REV1: variants seen among roughly 807,000 people sequenced by gnomAD.
The protein encoded by REV1 is REV1 DNA directed polymerase.
REV1 carries 42 observed loss-of-function variants against 137.4 expected under a neutral mutation model. The ratio of observed to expected loss-of-function variants is 0.31; its 90% CI spans 0.24 to 0.40. The LOEUF is 0.40. Ranked by LOEUF, REV1 falls within the 10% of genes least tolerant of loss-of-function variation. The pLI is 1.00. For missense variants in REV1, 1,282 were observed against 1,490.1 expected (o/e 0.86, Z 2.30); for synonymous variants, 524 against 519.2 (o/e 1.01, Z -0.12).
intron 9 of REV1, among the ~76,000 whole-genome samples, chr2:99,429,056 A>G (rs1679778506): frequency 1.3e-5 from 2 of 152,042 alleles, no homozygotes; most frequent in South Asian, 4.1e-4. Flanking sequence ...AAATTATTGA[A>G]TACTTTAACA....
intron 5 of REV1, among the ~76,000 whole-genome samples, chr2:99,439,569 T>G (rs1348559355): frequency 6.6e-6 from 1 of 152,162 alleles, no homozygotes; most frequent in East Asian, 1.9e-4. Context: ...TAACAGCCCT[T>G]TAGGTGTTTT....
chr2:99,435,336 A>G (rs887387303), intron 7 of REV1: 1 of 152,340 alleles, frequency 6.6e-6, no homozygotes, highest in African/African-American at 2.4e-5. Context: ...TAGTTCACAA[A>G]TATCTGCAAT....
intron 1 of REV1, among the ~76,000 whole-genome samples, chr2:99,483,314 G>A (rs75519446): frequency 0.013 from 1,992 of 152,272 alleles, 43 homozygotes; most frequent in African/African-American, 0.045. Flanking sequence ...ATGTAGAAAT[G>A]ATGGAGCTTA....
At position 99,476,080 on chromosome 2, in the gene REV1, C is replaced by T. The variant is rs371268487; in HGVS notation, c.-10-11095G>A. 6.7e-4 allele frequency among the ~76,000 whole-genome samples: 102 copies of T among 152,312 alleles called. 1 individual carries two copies. In the East Asian group the frequency reaches 0.01, roughly 15 times the overall value. ...AACACATACATATTATGCAACTTTA[C>T]GTAACTTTTTCTATGCTTGCCAAAA... is the stretch of plus-strand genomic sequence containing the variant. On this transcript the variant is annotated intron_variant, in intron 1 of 22. Transcript: ENST00000258428.
At chr2:99,487,024 A>G (rs1055401796) in intron 1 of REV1, among the ~76,000 whole-genome samples, 1 of 152,216 alleles carries the variant, frequency 6.6e-6, no homozygotes, top group African/African-American at 2.4e-5. Context: ...TTAGAATTAG[A>G]AAAGGCCTGA....
Position 99,402,708 on chromosome 2 carries a change from TAG to T in REV1, c.3475_3476del (p.Leu1159SerfsTer5). The T allele has an allele frequency of 6.2e-7, 1 of 1,614,024 alleles. No individual in the cohort carries two copies. Among genetic ancestry groups the T allele is most frequent in the Non-Finnish European group, 8.5e-7 (1 of 1,179,898 alleles). ...AGCVRPPAPN[L>X]AGAVEFNDVK... is the part of the protein sequence containing the mutation. Reference sequence around the variant, plus strand: ...CATCATTGAATTCAACAGCTCCAGCTAGATTGGGTGCTGGAGGTCTCACACAG... The same window carrying T: ...CATCATTGAATTCAACAGCTCCAGCTATTGGGTGCTGGAGGTCTCACACAG... On this transcript the variant is annotated frameshift_variant, in exon 21 of 23. Transcript: ENST00000258428. LOFTEE classifies it high-confidence loss of function.
chr2:99,459,557 T>C (rs955191598), intron 3 of REV1, among the ~76,000 whole-genome samples: 1 of 151,942 alleles, frequency 6.6e-6, no homozygotes, highest in Non-Finnish European at 1.5e-5. Flanking sequence ...AATTAAAAAA[T>C]CAGCTGGACA....
chr2:99,401,646 C>T (rs932712131), intron 22 of REV1, among the ~76,000 whole-genome samples: 6 of 152,146 alleles, frequency 3.9e-5, no homozygotes, highest in Non-Finnish European at 8.8e-5. Context: ...ACCCGGGAGG[C>T]TGAGGCAGGA....
intron 3 of REV1, among the ~76,000 whole-genome samples, chr2:99,450,491 AT>A (rs1284657495): frequency 6.6e-6 from 1 of 152,222 alleles, no homozygotes; most frequent in East Asian, 1.9e-4. Flanking sequence ...AAGTATTTAA[AT>A]AAACATTTTC....
chr2:99,489,284 GGTGCGGAAAAACGCTGTGGCTGGA>G (rs1245118426), intron 1 of REV1, among the ~76,000 whole-genome samples: 2 of 152,178 alleles, frequency 1.3e-5, no homozygotes, highest in East Asian at 3.9e-4. Context: ...TCGAAGGCGG[GGTGCGGAAAAACGCTGTGGCTGGA>G]GTGCGGGTGG....
At chr2:99,467,876 T>A (rs796268072) in intron 1 of REV1, among the ~76,000 whole-genome samples, 1 of 151,938 alleles carries the variant, frequency 6.6e-6, no homozygotes, top group South Asian at 2.1e-4. Context: ...TGAAATCCCA[T>A]GTCTATTAAA....
chr2:99,425,972 G>A (rs1455021266), intron 9 of REV1, among the ~76,000 whole-genome samples: 1 of 152,044 alleles, frequency 6.6e-6, no homozygotes, highest in Non-Finnish European at 1.5e-5. Context: ...GAGGGTGGAG[G>A]TTGCAGTGAG....
chr2:99,456,539 A>G (rs1367392685), intron 3 of REV1, among the ~76,000 whole-genome samples: 1 of 152,182 alleles, frequency 6.6e-6, no homozygotes, highest in Non-Finnish European at 1.5e-5. Flanking sequence ...AAGCAGAAGG[A>G]ACTGCAAATT....
intron 3 of REV1, among the ~76,000 whole-genome samples, chr2:99,458,675 A>T (rs1025532485): frequency 6.6e-6 from 1 of 152,250 alleles, no homozygotes; most frequent in Admixed American, 6.5e-5. Flanking sequence ...AAACTGGTAC[A>T]TCCACACTAT....
intron 8 of REV1, among the ~76,000 whole-genome samples, chr2:99,432,982 C>A (rs1680305102): frequency 6.6e-6 from 1 of 152,188 alleles, no homozygotes; most frequent in African/African-American, 2.4e-5. Flanking sequence ...ACGTGTGTAA[C>A]AAGACTACCT....
At chr2:99,440,600 G>C (rs1254103108) in intron 5 of REV1, among the ~76,000 whole-genome samples, 1 of 152,160 alleles carries the variant, frequency 6.6e-6, no homozygotes, top group Non-Finnish European at 1.5e-5. Context: ...AGACAAAGTA[G>C]ATATGATTAA....
chr2:99,412,274 A>C (rs1398281236), intron 13 of REV1, among the ~76,000 whole-genome samples: 4 of 150,984 alleles, frequency 2.6e-5, no homozygotes, highest in African/African-American at 9.8e-5. Flanking sequence ...AAAAAAAAAA[A>C]AAAAAAAACA....
chr2:99,418,312 T>C (rs548410959), intron 12 of REV1, among the ~76,000 whole-genome samples: 17 of 152,338 alleles, frequency 1.1e-4, no homozygotes, highest in Non-Finnish European at 2.2e-4. Context: ...AAGGTTTTTT[T>C]CCATGAGTGG....
At chr2:99,417,238 C>T (rs1163648633) in intron 12 of REV1, among the ~76,000 whole-genome samples, 2 of 152,062 alleles carry the variant, frequency 1.3e-5, no homozygotes, top group Non-Finnish European at 2.9e-5. Context: ...CTCTCGGGCT[C>T]AAGCGATTCT....
Sources: gnomAD v4.1 joint callset for allele counts (sites outside exome capture counted in the v4.1 genomes callset) on GRCh38, gnomAD v4.1.1 for gene constraint, MANE v1.5 for transcripts, NCBI Gene and HGNC (gene_info 2026-07-23, HGNC 2026-07-21) for gene names.